RRM2: variants seen among roughly 807,000 people sequenced by gnomAD.
RRM2 encodes the protein ribonucleoside-diphosphate reductase subunit M2.
In RRM2, 6 loss-of-function variants were observed where a neutral mutation model predicts 45.9. The observed-to-expected ratio is 0.13, with a 90% CI of 0.07 to 0.26. RRM2 has a LOEUF of 0.26. Ranked by LOEUF, RRM2 falls within the 10% of genes least tolerant of loss-of-function variation. RRM2 has a pLI of 1.00. For synonymous variants in RRM2, 177 were observed against 173.0 expected (o/e 1.02, Z -0.18); for missense variants, 343 against 489.5 (o/e 0.70, Z 2.82).
chr2:10,202,523 G>T (rs567916874), intron 3 of RRM2, among the ~76,000 whole-genome samples: 3 of 152,320 alleles, frequency 2.0e-5, no homozygotes, highest in African/African-American at 7.2e-5. Flanking sequence ...GGGTATTTAC[G>T]GGTTTAGGGA....
upstream of RRM2, among the ~76,000 whole-genome samples, chr2:10,140,201 T>C (rs1176798276): frequency 6.6e-6 from 1 of 151,920 alleles, no homozygotes; most frequent in Non-Finnish European, 1.5e-5. Flanking sequence ...GAGCCGAGAT[T>C]GCACCACTGC....
upstream of RRM2, among the ~76,000 whole-genome samples, chr2:10,140,067 A>T (rs1025335539): frequency 7.9e-5 from 12 of 151,900 alleles, no homozygotes; most frequent in African/African-American, 1.2e-4. Context: ...GCTAACACAG[A>T]GAAAGCCCCT....
intron 5 of RRM2, among the ~76,000 whole-genome samples, chr2:10,125,866 AG>A (rs1026626545): frequency 2.6e-5 from 4 of 152,156 alleles, no homozygotes; most frequent in African/African-American, 7.2e-5. Context: ...GTGGAAATTG[AG>A]AAAAGAAGGC....
At chr2:10,134,170 CAAAAAA>C (rs35568069), downstream of RRM2, among the ~76,000 whole-genome samples, 24 of 101,492 alleles carry the variant, frequency 2.4e-4, no homozygotes, top group African/African-American at 8.7e-4. Context: ...AACTCCATCT[CAAAAAA>C]AAAAAAAAAA....
At chr2:10,125,278 G>GTTATAACT (rs1193378248) in intron 5 of RRM2, among the ~76,000 whole-genome samples, 2 of 152,178 alleles carry the variant, frequency 1.3e-5, no homozygotes, top group African/African-American at 2.4e-5. Flanking sequence ...ATAAGGCAGA[G>GTTATAACT]GCAGCAGTGA....
intron 3 of RRM2, among the ~76,000 whole-genome samples, chr2:10,154,478 T>G (rs1572505518): frequency 8.2e-6 from 1 of 121,436 alleles, no homozygotes; most frequent in Admixed American, 1.0e-4. Flanking sequence ...CCAGCCTGGG[T>G]GACAGAGCGA....
intron 3 of RRM2, among the ~76,000 whole-genome samples, chr2:10,201,148 C>CAAA (rs146526701): frequency 1.4e-4 from 17 of 121,068 alleles, no homozygotes; most frequent in African/African-American, 5.5e-4. Flanking sequence ...GATTCCATCT[C>CAAA]AAAAAAAAAA....
At chr2:10,201,568 G>A (rs1253234059) in intron 3 of RRM2, among the ~76,000 whole-genome samples, 2 of 152,188 alleles carry the variant, frequency 1.3e-5, no homozygotes, top group African/African-American at 2.4e-5. Context: ...AAGAGCACCT[G>A]TCAGAACTTT....
At position 10,172,880 on chromosome 2, in the gene RRM2, C is replaced by T. The variant is rs1450085629; in HGVS notation, n.482+30505C>T. ...CCGGTGTGACCACACGGATCCCATA[C>T]CGGTGATGCCAACCCCCTGAGTCCC... On this transcript the variant is annotated intron_variant and non_coding_transcript_variant, in intron 3 of 3. Coordinates refer to the RRM2 transcript ENST00000381786. This position sits in a 1 kb window ranked among gnomAD's most constrained non-coding sequence, Gnocchi z 4.9. 1.3e-5 allele frequency among the ~76,000 whole-genome samples: 2 copies of T among 152,236 alleles called. No homozygotes were observed. The highest frequency in any genetic ancestry group is 2.4e-5 in the African/African-American group (1 of 41,460).
chr2:10,140,902 C>T (rs540106283), upstream of RRM2, among the ~76,000 whole-genome samples: 2 of 152,290 alleles, frequency 1.3e-5, no homozygotes, highest in African/African-American at 4.8e-5. Flanking sequence ...AGGCAGAAGG[C>T]TATTCTGGGT....
intron 3 of RRM2, 74 bp downstream of exon 3, chr2:10,123,604 C>A: frequency 6.4e-7 from 1 of 1,556,524 alleles, no homozygotes; most frequent in Non-Finnish European, 8.7e-7. Flanking sequence ...TTGGAGGTTC[C>A]CGTTGGCAAG....
At chr2:10,201,960 A>T (rs903732604) in intron 3 of RRM2, among the ~76,000 whole-genome samples, 2 of 152,216 alleles carry the variant, frequency 1.3e-5, no homozygotes, top group Non-Finnish European at 2.9e-5. Flanking sequence ...ATCCTTATAG[A>T]CATATTTACT....
chr2:10,122,845 A>G lies in RRM2; in HGVS notation c.47A>G (p.Gln16Arg). Reference protein sequence around the residue: ...VPLAPITDPQQLQLSPLKGLS... With the variant: ...VPLAPITDPQRLQLSPLKGLS... Reference sequence around the variant, plus strand: ...CTCGCGCCCATCACGGACCCGCAGCAGCTGCAGCTCTCGCCGCTGAAGGGG... The same window carrying G: ...CTCGCGCCCATCACGGACCCGCAGCGGCTGCAGCTCTCGCCGCTGAAGGGG... Residue 16 changes from glutamine to arginine, a missense_variant, in exon 1 of 10, where the codon CAG (glutamine) becomes CGG (arginine). This residue lies in a region of RRM2 where 131 missense variants were observed against 121.4 expected (regional missense o/e 1.08). Coordinates refer to ENST00000304567, the MANE Select transcript of RRM2 (RefSeq NM_001034.4). 6.2e-7 allele frequency: 1 copy of G among 1,602,424 alleles called. No homozygotes were observed.
Position 10,128,941 on chromosome 2 carries a change from C to T in RRM2, c.892C>T (p.Arg298Trp), listed in dbSNP as rs148740312. Residue 298 changes from arginine (R) to tryptophan (W), a missense_variant, in exon 8 of 10, where the codon CGG (arginine) becomes TGG (tryptophan). By Grantham distance (101) the Arg-to-Trp change is moderately radical. Transcript: ENST00000304567. ...RVREIIINAV[R>W]IEQEFLTEAL... ...AAGAGAAATAATTATCAATGCTGTT[C>T]GGATAGAACAGGTAAAGTGGGTGAT... 1.6e-4 allele frequency: 255 copies of T among 1,613,260 alleles called. No homozygotes were observed. Among genetic ancestry groups the T allele is most frequent in the East Asian group, 2.9e-4 (13 of 44,880 alleles).
intron 1 of RRM2, chr2:10,141,727 T>C: frequency 7.4e-7 from 1 of 1,351,308 alleles, no homozygotes; most frequent in Non-Finnish European, 1.0e-6. Flanking sequence ...CAGGTGAGGG[T>C]GGGGTACTGT....
upstream of RRM2, among the ~76,000 whole-genome samples, chr2:10,139,004 A>G (rs1663036745): frequency 6.6e-6 from 1 of 152,140 alleles, no homozygotes; most frequent in Admixed American, 6.5e-5. Context: ...GCTACTTGGG[A>G]GACTGAGGCA....
chr2:10,174,212 C>A (rs1341693222), intron 3 of RRM2, among the ~76,000 whole-genome samples: 2 of 152,212 alleles, frequency 1.3e-5, no homozygotes, highest in Non-Finnish European at 2.9e-5. Flanking sequence ...TGCACCTTGA[C>A]CTTGGACTTC....
At chr2:10,210,433 C>A (rs573268318) in exon 4 of RRM2, 8 of 1,367,886 alleles carry the variant, frequency 5.8e-6, no homozygotes, top group Middle Eastern at 2.1e-4. Flanking sequence ...GACAGGGACA[C>A]CCCTGGAGCG....
chr2:10,210,852 T>G, exon 4 of RRM2: 1 of 329,980 alleles, frequency 3.0e-6, no homozygotes, highest in Non-Finnish European at 6.0e-6. Context: ...ATGCTGGGGT[T>G]GGTGCCCTTA....
Sources: allele counts gnomAD v4.1 joint callset (sites outside exome capture counted in the v4.1 genomes callset), GRCh38; gene constraint gnomAD v4.1.1; regional missense constraint gnomAD v4.1.1; non-coding constraint Gnocchi (gnomAD v3.1); transcripts MANE v1.5; gene names NCBI Gene and HGNC (gene_info 2026-07-23, HGNC 2026-07-21).